GCN1: variants seen among roughly 807,000 people sequenced by gnomAD.
GCN1 encodes the protein GCN1 activator of EIF2AK4, also known as stalled ribosome sensor GCN1.
Under a neutral mutation model 288.4 loss-of-function variants are expected in GCN1, and 90 were observed. The observed-to-expected ratio is 0.31, with a 90% confidence interval of 0.26 to 0.37. The LOEUF (loss-of-function observed/expected upper bound fraction) is 0.37. GCN1 is among the 10% of genes least tolerant of loss of function. The pLI, the probability that GCN1 is intolerant of heterozygous loss-of-function variation, is 1.00. For synonymous variants in GCN1, 1,386 were observed against 1,420.2 expected (o/e 0.98, Z 0.54); for missense variants, 2,586 against 3,419.9 (o/e 0.76, Z 6.08).
In GCN1 at chr12:120,157,953, G is replaced by A; in HGVS notation, c.2983C>T (p.His995Tyr). The part of the protein sequence containing the change: ...LKMVLTEMPH[H>Y]SEEEEEWMAQ... ...ATCCACTCCTCCTCCTCCTCACTGT[G>A]GTGGGGCATCTCCGTCAGCACCATC... Residue 995 changes from histidine (H) to tyrosine (Y), a missense_variant, in exon 26 of 58, where the codon CAC becomes TAC. This residue lies in a region of GCN1 where 153 missense variants were observed against 252.0 expected (regional missense o/e 0.61). Transcript: ENST00000300648. 6.2e-7 allele frequency: 1 copy of A among 1,613,928 alleles called. No individual in the cohort carries two copies. Among genetic ancestry groups the A allele is most frequent in the Non-Finnish European group, 8.5e-7 (1 of 1,179,908 alleles).
chr12:120,146,752 A>T (rs1235126364), intron 38 of GCN1, among the ~76,000 whole-genome samples: 1 of 152,170 alleles, frequency 6.6e-6, no homozygotes, highest in African/African-American at 2.4e-5. Flanking sequence ...ACAACAATAC[A>T]GGAGTATTCT....
chr12:120,171,720 G>A (rs1406963229), intron 14 of GCN1, among the ~76,000 whole-genome samples: 3 of 152,158 alleles, frequency 2.0e-5, no homozygotes, highest in Non-Finnish European at 4.4e-5. Context: ...CTGGCACTCT[G>A]CATTCCTTTT....
At position 120,127,849 on chromosome 12, in the gene GCN1, T is replaced by C; in HGVS notation, c.8016A>G (p.Ter2672TrpextTer98). 6.2e-7 allele frequency: 1 copy of C among 1,613,910 alleles called. No homozygotes were observed. Among genetic ancestry groups the C allele is most frequent in the Non-Finnish European group, 8.5e-7 (1 of 1,179,800 alleles). The stretch of plus-strand genomic sequence containing the variant: ...CAATGCTGCTGCTGGCCCAGGCCTC[T>C]CATGTCAGGATGGTGTCGTCCACCT... ...TEQVDDTILT[*>W] The change falls in exon 58 of 58, where the codon TGA becomes TGG. Residue 2672 changes from the stop codon to tryptophan (W), a stop_lost. Coordinates refer to ENST00000300648, the MANE Select transcript of GCN1 (RefSeq NM_006836.2).
Position 120,156,507 on chromosome 12 carries a change from C to G in GCN1, c.3266G>C (p.Cys1089Ser). ...AEQEEVDVLL[C>S]ALQSPCASVR... ...GCTGGCACACGGGGACTGCAAGGCACAGAGCAGCACGTCCACCTCCTCCTG... is the reference window on the plus strand; with the variant it reads ...GCTGGCACACGGGGACTGCAAGGCAGAGAGCAGCACGTCCACCTCCTCCTG... The change falls in exon 28 of 58, where the codon TGT (cysteine) becomes TCT (serine). Residue 1089 changes from cysteine (C) to serine (S), a missense_variant. Cys to Ser is a moderately radical substitution (Grantham distance 112, BLOSUM62 -1). Transcript: ENST00000300648. This position sits in a 1 kb window ranked among gnomAD's most constrained non-coding sequence, Gnocchi z 5.8. 1 of 1,614,118 alleles carries G rather than the reference C, an allele frequency of 6.2e-7. No homozygotes were observed. The highest frequency in any genetic ancestry group is 8.5e-7 in the Non-Finnish European group (1 of 1,180,022).
At chr12:120,146,062 T>A (rs1388029054) in intron 38 of GCN1, among the ~76,000 whole-genome samples, 1 of 151,746 alleles carries the variant, frequency 6.6e-6, no homozygotes, top group African/African-American at 2.4e-5. Context: ...AGGTCAGGAG[T>A]TCGAGACCAG....
At chr12:120,181,839 C>CA (rs1253486479) in intron 5 of GCN1, among the ~76,000 whole-genome samples, 1,186 of 59,852 alleles carry the variant, frequency 0.02, 33 homozygotes, top group African/African-American at 0.056. Context: ...AACTCCGTCT[C>CA]AAAAAAAAAA....
rs1433375194 is a variant in GCN1 at position 120,149,492 on chromosome 12, C to T, written c.4546+114G>A. On this transcript the variant is annotated intron_variant, in intron 36 of 57. Coordinates refer to ENST00000300648, the MANE Select transcript of GCN1 (RefSeq NM_006836.2). ...ATTTTTAAAAAGGCAGAGTCTTAAC[C>T]CTATCCCTGGTCTGGGGAGCTCACA... 5 of 742,122 alleles carry T rather than the reference C, an allele frequency of 6.7e-6. No individual in the cohort carries two copies. In the Admixed American group the frequency reaches 1.0e-4, roughly 15 times the overall value. 46.0% of individuals were successfully genotyped at this position (742,122 alleles called of 1,614,324 possible).
In GCN1 at chr12:120,163,128, G is replaced by A; in HGVS notation, c.1980C>T (p.Val660=). 2 of 1,614,236 alleles carry A rather than the reference G, an allele frequency of 1.2e-6. No homozygotes were observed. The highest frequency in any genetic ancestry group is 1.7e-6 in the Non-Finnish European group (2 of 1,180,048). ...CCTGGGCCAGTTGTTCAGTGTCGGTGACATCACCCTTGAGCCCTGGCACAC... is the reference window on the plus strand; with the variant it reads ...CCTGGGCCAGTTGTTCAGTGTCGGTAACATCACCCTTGAGCCCTGGCACAC... ...ISGVPGLKGD[V]TDTEQLAQEM... Residue 660 remains valine (V), a synonymous_variant, in exon 19 of 58, where the codon GTC becomes GTT. Coordinates refer to ENST00000300648, the MANE Select transcript of GCN1 (RefSeq NM_006836.2).
chr12:120,131,299 G>A lies in GCN1; in HGVS notation c.7449C>T (p.His2483=), dbSNP rs145636674. 8.7e-6 allele frequency: 14 copies of A among 1,614,056 alleles called. No homozygotes were observed. The highest frequency in any genetic ancestry group is 2.7e-5 in the African/African-American group (2 of 75,056). The change falls in exon 55 of 58, where the codon CAC becomes CAT. Residue 2483 remains histidine, a synonymous_variant. Transcript: ENST00000300648. ...DVSGIDWMVR[H]GRSLALSVAV... ...CCACGGAAAGTGCCAGGCTCCGCCCGTGCCGAACCATCCAGTCAATGCCGG... is the reference window on the plus strand; with the variant it reads ...CCACGGAAAGTGCCAGGCTCCGCCCATGCCGAACCATCCAGTCAATGCCGG...
chr12:120,189,886 T>A (rs1007105686), intron 2 of GCN1, among the ~76,000 whole-genome samples: 1 of 151,438 alleles, frequency 6.6e-6, no homozygotes, highest in Non-Finnish European at 1.5e-5. Flanking sequence ...GGCTAAGGCA[T>A]GAGAATCGCC....
At chr12:120,177,848 C>T (rs1878529135) in intron 7 of GCN1, 96 bp from the exon 8 acceptor site, 4 of 871,086 alleles carry the variant, frequency 4.6e-6, no homozygotes, top group South Asian at 2.7e-5. Context: ...CCAAAAAATA[C>T]AAATCAATGC....
At chr12:120,192,573 A>G (rs577977144) in intron 1 of GCN1, among the ~76,000 whole-genome samples, 1 of 149,364 alleles carries the variant, frequency 6.7e-6, no homozygotes, top group South Asian at 2.1e-4. Context: ...TAAAAATACA[A>G]AAAAAAAAAT....
At chr12:120,181,406 A>G (rs1348409371) in intron 5 of GCN1, among the ~76,000 whole-genome samples, 1 of 134,600 alleles carries the variant, frequency 7.4e-6, no homozygotes, top group East Asian at 2.3e-4. Flanking sequence ...TCAAGGCTGC[A>G]GTGAGCTGAG....
At chr12:120,173,486 C>T (rs1226941989) in intron 14 of GCN1, among the ~76,000 whole-genome samples, 167 bp downstream of exon 14, 2 of 152,224 alleles carry the variant, frequency 1.3e-5, no homozygotes, top group Non-Finnish European at 2.9e-5. Context: ...GTTGTGAAGA[C>T]TGAATTCGGA....
At chr12:120,131,100 G>T in intron 55 of GCN1, 85 bp downstream of exon 55, 1 of 1,253,644 alleles carries the variant, frequency 8.0e-7, no homozygotes, top group Non-Finnish European at 1.1e-6. Context: ...TTAAGCCCCA[G>T]TCTGGGGTCC....
rs186510292 is a variant in GCN1, at chr12:120,193,494, G to A, written c.18+1186C>T. 9.9e-5 allele frequency among the ~76,000 whole-genome samples: 15 copies of A among 152,212 alleles called. No individual in the cohort carries two copies. The East Asian group carries it at 1.7e-3, about 18-fold the overall frequency. Reference sequence around the variant, plus strand: ...AATTTTTTGCATTTTTAGTAGAGACGGGGTTTTGCCACGTTGGTCAGACTA... The same window carrying A: ...AATTTTTTGCATTTTTAGTAGAGACAGGGTTTTGCCACGTTGGTCAGACTA... On this transcript the variant is annotated intron_variant, in intron 1 of 57. Coordinates refer to ENST00000300648, the MANE Select transcript of GCN1 (RefSeq NM_006836.2).
rs751311264 is a variant in GCN1 at position 120,183,537 on chromosome 12, C to A, written c.426+32G>T. 6.1e-6 allele frequency: 8 copies of A among 1,312,306 alleles called. No homozygotes were observed. In the East Asian group the frequency reaches 1.8e-4, roughly 30 times the overall value. 81.3% of individuals were successfully genotyped at this position (1,312,306 alleles called of 1,614,324 possible). On this transcript the variant is annotated intron_variant, in intron 5 of 57. Coordinates refer to ENST00000300648, the MANE Select transcript of GCN1 (RefSeq NM_006836.2). ...GCTCTAACTCCTGGCAGAAAGCTGACCCTTGCTACTTCAGAGACACAGGGA... is the reference window on the plus strand; with the variant it reads ...GCTCTAACTCCTGGCAGAAAGCTGAACCTTGCTACTTCAGAGACACAGGGA...
Position 120,145,080 on chromosome 12 carries a change from C to A in GCN1, c.5017-19G>T, listed in dbSNP as rs1322144422. On this transcript the variant is annotated intron_variant, in intron 39 of 57. Coordinates refer to ENST00000300648, the MANE Select transcript of GCN1 (RefSeq NM_006836.2). ...TCCGCACCTGTCAGGTAACCGAGAGCAGAGATGGTGTGAGAAGATGAGGCT... is the reference window on the plus strand; with the variant it reads ...TCCGCACCTGTCAGGTAACCGAGAGAAGAGATGGTGTGAGAAGATGAGGCT... 1 of 1,613,930 alleles carries A rather than the reference C, an allele frequency of 6.2e-7. No homozygotes were observed.
intron 21 of GCN1, 23 bp from the exon 22 acceptor site, chr12:120,161,606 C>A: frequency 1.3e-6 from 2 of 1,570,606 alleles, no homozygotes; most frequent in Non-Finnish European, 1.8e-6. Flanking sequence ...AGTGGGTCAT[C>A]AGCCAGCTTG....
Sources: allele counts gnomAD v4.1 joint callset (sites outside exome capture counted in the v4.1 genomes callset), GRCh38; gene constraint gnomAD v4.1.1; regional missense constraint gnomAD v4.1.1; non-coding constraint Gnocchi (gnomAD v3.1); transcripts MANE v1.5; gene names NCBI Gene and HGNC (gene_info 2026-07-23, HGNC 2026-07-21).